ERI1: variants seen among roughly 807,000 people sequenced by gnomAD.
ERI1 encodes exoribonuclease 1.
ERI1 carries 39 observed loss-of-function variants against 39.7 expected under a neutral mutation model. The ratio of observed to expected loss-of-function variants is 0.98; its 90% CI spans 0.76 to 1.28. ERI1 has a LOEUF of 1.28. Ranked by LOEUF, ERI1 falls within the 50% of genes most tolerant of loss-of-function variation. The pLI is 0.00. For missense variants in ERI1, 581 were observed against 416.9 expected (o/e 1.39, Z -3.43); for synonymous variants, 204 against 149.6 (o/e 1.36, Z -2.65).
chr8:9,099,308 A>G (rs1799976635), intron 3 of ERI1, among the ~76,000 whole-genome samples: 1 of 152,032 alleles, frequency 6.6e-6, no homozygotes, highest in Admixed American at 6.6e-5. Context: ...TTTTGTATAA[A>G]TCATCATACA....
chr8:9,072,843 G>A (rs2117431017), intron 3 of ERI1, among the ~76,000 whole-genome samples: 1 of 152,188 alleles, frequency 6.6e-6, no homozygotes, highest in South Asian at 2.1e-4. Context: ...AGCACCGAGT[G>A]TGCTCGGGTG....
At chr8:9,009,780 C>G (rs1204819697) in intron 2 of ERI1, among the ~76,000 whole-genome samples, 1 of 152,180 alleles carries the variant, frequency 6.6e-6, no homozygotes, top group African/African-American at 2.4e-5. Flanking sequence ...TCAAGTGATT[C>G]ACCCCCCTCC....
chr8:9,071,721 CTTTGGT>C (rs1799057595), intron 3 of ERI1, among the ~76,000 whole-genome samples: 1 of 152,196 alleles, frequency 6.6e-6, no homozygotes, highest in Non-Finnish European at 1.5e-5. Context: ...TTCATCACAC[CTTTGGT>C]TTTTGAGCTC....
chr8:9,020,829 A>G (rs1026030588), intron 6 of ERI1, among the ~76,000 whole-genome samples: 4 of 150,610 alleles, frequency 2.7e-5, no homozygotes, highest in Admixed American at 6.6e-5. Context: ...AAGACTTACA[A>G]TGAATGGCAG....
chr8:9,059,761 T>C (rs190602123), intron 3 of ERI1, among the ~76,000 whole-genome samples: 1 of 152,108 alleles, frequency 6.6e-6, no homozygotes, highest in Non-Finnish European at 1.5e-5. Context: ...CCAGGCGATA[T>C]CAGCTGCGAT....
At position 9,030,701 on chromosome 8, in the gene ERI1, G is replaced by T. The variant is rs1207723396; in HGVS notation, c.*667G>T. 6.6e-6 allele frequency: 1 copy of T among 152,196 alleles called. No individual in the cohort carries two copies. Among genetic ancestry groups the T allele is most frequent in the Non-Finnish European group, 1.5e-5 (1 of 68,044 alleles). The allele number at this position is 152,196 out of a possible 1,614,324, so 9.4% of individuals were successfully genotyped here. On this transcript the variant is annotated 3_prime_UTR_variant, in exon 7 of 7. Coordinates refer to ENST00000250263, the MANE Select transcript of ERI1 (RefSeq NM_153332.4). The stretch of plus-strand genomic sequence containing the variant: ...TAAAAGGAATATCATAAGGGCTGTA[G>T]CTCAAACTTCATAATACATAAATCA...
chr8:9,046,543 C>G (rs1798180473), intron 3 of ERI1, among the ~76,000 whole-genome samples: 1 of 152,168 alleles, frequency 6.6e-6, no homozygotes. Context: ...ATTAAAGAGC[C>G]CAGTGACTAC....
At chr8:9,038,432 A>T (rs920139276) in intron 3 of ERI1, among the ~76,000 whole-genome samples, 10 of 152,220 alleles carry the variant, frequency 6.6e-5, no homozygotes, top group African/African-American at 2.4e-4. Context: ...TGATCATACT[A>T]TCATACATCT....
At chr8:9,022,525 G>T (rs558878129) in intron 6 of ERI1, among the ~76,000 whole-genome samples, 1 of 152,032 alleles carries the variant, frequency 6.6e-6, no homozygotes, top group Non-Finnish European at 1.5e-5. Flanking sequence ...TCAGCATCCC[G>T]AGTAGCTGGG....
chr8:9,014,216 A>G (rs1400735961), intron 3 of ERI1, among the ~76,000 whole-genome samples: 1 of 152,168 alleles, frequency 6.6e-6, no homozygotes, highest in Non-Finnish European at 1.5e-5. Context: ...CAAAAATGCC[A>G]GGCATGCTTT....
chr8:9,011,454 A>G (rs1022159055), intron 2 of ERI1, 88 bp from the exon 3 acceptor site: 8 of 733,964 alleles, frequency 1.1e-5, no homozygotes, highest in African/African-American at 3.6e-5. Flanking sequence ...TGTGATTGTC[A>G]GTGTTCAGCC....
intron 6 of ERI1, among the ~76,000 whole-genome samples, chr8:9,023,647 T>C (rs1456920092): frequency 6.6e-6 from 1 of 152,060 alleles, no homozygotes; most frequent in East Asian, 1.9e-4. Context: ...GTTGTATAAG[T>C]AGAAGAAACT....
At chr8:9,086,534 T>C (rs1799532030) in intron 3 of ERI1, among the ~76,000 whole-genome samples, 1 of 152,150 alleles carries the variant, frequency 6.6e-6, no homozygotes, top group African/African-American at 2.4e-5. Flanking sequence ...TGGGTCACAG[T>C]GATACCGTCT....
chr8:9,038,651 G>T (rs902548782), intron 3 of ERI1, among the ~76,000 whole-genome samples: 3 of 152,166 alleles, frequency 2.0e-5, no homozygotes, highest in African/African-American at 7.2e-5. Flanking sequence ...CATCTACTTG[G>T]GGGGCTGACT....
chr8:9,003,841 A>G (rs984234600), intron 1 of ERI1, among the ~76,000 whole-genome samples: 1 of 152,218 alleles, frequency 6.6e-6, no homozygotes, highest in African/African-American at 2.4e-5. Context: ...CCTAATAATA[A>G]ACATGTTGAA....
intron 3 of ERI1, among the ~76,000 whole-genome samples, chr8:9,095,306 A>G (rs1321370206): frequency 1.3e-5 from 2 of 152,184 alleles, no homozygotes; most frequent in African/African-American, 4.8e-5. Context: ...CATCACCCAA[A>G]TAGTGAACAT....
chr8:9,029,332 A>G (rs919686151), intron 6 of ERI1, among the ~76,000 whole-genome samples: 2 of 152,038 alleles, frequency 1.3e-5, no homozygotes, highest in Non-Finnish European at 2.9e-5. Context: ...AAGCTCTGAA[A>G]ATTTCAGGGT....
At chr8:9,049,427 T>TAGCATCTGA (rs1477273416) in intron 3 of ERI1, among the ~76,000 whole-genome samples, 1 of 147,018 alleles carries the variant, frequency 6.8e-6, no homozygotes, top group African/African-American at 2.5e-5. Flanking sequence ...GAAATATGGA[T>TAGCATCTGA]AGCATCTGAC....
intron 3 of ERI1, among the ~76,000 whole-genome samples, chr8:9,015,916 T>A (rs961350209): frequency 1.3e-5 from 2 of 152,126 alleles, no homozygotes; most frequent in African/African-American, 2.4e-5. Context: ...AGAAAAATAG[T>A]TTAAAGCTAA....
Sources: gnomAD v4.1 joint callset for allele counts (sites outside exome capture counted in the v4.1 genomes callset) on GRCh38, gnomAD v4.1.1 for gene constraint, MANE v1.5 for transcripts, NCBI Gene and HGNC (gene_info 2026-07-23, HGNC 2026-07-21) for gene names.